PALS2: variants seen among roughly 807,000 people sequenced by gnomAD.
PALS2 encodes the protein protein associated with LIN7 2, MAGUK p55 family member.
A neutral mutation model predicts 61.6 loss-of-function variants in PALS2; 27 were observed. The ratio of observed to expected loss-of-function variants is 0.44; its 90% CI spans 0.32 to 0.60. The LOEUF (loss-of-function observed/expected upper bound fraction) is 0.60. Ranked by LOEUF, PALS2 falls within the 20% of genes least tolerant of loss-of-function variation. PALS2 has a pLI of 0.05. For missense variants in PALS2, 554 were observed against 639.4 expected, an observed-to-expected ratio of 0.87 and a Z score of 1.44; for synonymous variants, 236 against 218.6, an observed-to-expected ratio of 1.08 and a Z score of -0.70.
chr7:24,594,859 A>G (rs902861681), intron 1 of PALS2, among the ~76,000 whole-genome samples: 1 of 152,156 alleles, frequency 6.6e-6, no homozygotes, highest in South Asian at 2.1e-4. Flanking sequence ...CATAACTGGC[A>G]TAATAGTAAT....
At chr7:24,582,393 AGTT>A (rs144523493) in intron 1 of PALS2, among the ~76,000 whole-genome samples, 6,795 of 152,238 alleles carry the variant, frequency 0.045, 178 homozygotes, top group African/African-American at 0.064. Flanking sequence ...GGCTAATGTC[AGTT>A]GTTTACAAAT....
Position 24,583,380 on chromosome 7 carries a change from G to A in PALS2, c.-3+9787G>A, listed in dbSNP as rs532462529. 2.6e-5 allele frequency among the ~76,000 whole-genome samples: 4 copies of A among 152,114 alleles called. No homozygotes were observed. The East Asian group carries it at 7.7e-4, about 29-fold the overall frequency. On this transcript the variant is annotated intron_variant, in intron 1 of 11. Coordinates refer to ENST00000222644, the MANE Select transcript of PALS2 (RefSeq NM_001303037.2). Reference sequence around the variant, plus strand: ...GCATTAAGCTCTTGAAAACAACTAGGTAGAGAAATTTTCCGTGAAGGAATT... The same window carrying A: ...GCATTAAGCTCTTGAAAACAACTAGATAGAGAAATTTTCCGTGAAGGAATT...
intron 7 of PALS2, among the ~76,000 whole-genome samples, 156 bp downstream of exon 7, chr7:24,665,843 G>T (rs558529625): frequency 6.6e-6 from 1 of 151,940 alleles, no homozygotes; most frequent in Admixed American, 6.6e-5. Flanking sequence ...TTTTGATCCC[G>T]TTCTGCCACC....
chr7:24,660,543 AAC>A (rs145784408), intron 5 of PALS2, among the ~76,000 whole-genome samples: 1,731 of 150,790 alleles, frequency 0.011, 37 homozygotes, highest in African/African-American at 0.039. Flanking sequence ...CCTATTGACA[AAC>A]ACACACACAC....
In PALS2 at chr7:24,588,871, A is replaced by G. The variant is rs372090639; in HGVS notation, c.-3+15278A>G. Among the ~76,000 whole-genome samples, 56 of 152,324 alleles carry G rather than the reference A, an allele frequency of 3.7e-4. No homozygotes were observed. In the East Asian group the frequency reaches 6.2e-3, roughly 17 times the overall value. ...TGAATGAATGTATCATAATTGAGAA[A>G]GGGGTGTGTTTTTAGAAAAACAGTT... On this transcript the variant is annotated intron_variant, in intron 1 of 11. Coordinates refer to ENST00000222644, the MANE Select transcript of PALS2 (RefSeq NM_001303037.2).
chr7:24,595,550 ATATAT>A (rs1393826354), intron 1 of PALS2, among the ~76,000 whole-genome samples: 1 of 137,114 alleles, frequency 7.3e-6, no homozygotes, highest in Non-Finnish European at 1.5e-5. Context: ...ATATATAAAT[ATATAT>A]TAACTATATA....
chr7:24,623,597 G>T, intron 1 of PALS2, 69 bp from the exon 2 acceptor site: 1 of 887,728 alleles, frequency 1.1e-6, no homozygotes, highest in Non-Finnish European at 1.7e-6. Context: ...ACTCCATAAC[G>T]GCTTGAAATT....
chr7:24,623,836 TAG>T, intron 2 of PALS2, 52 bp downstream of exon 2: 1 of 1,325,778 alleles, frequency 7.5e-7, no homozygotes, highest in Non-Finnish European at 1.0e-6. Context: ...TTAGTTTTTA[TAG>T]AGATATTTTC....
chr7:24,585,006 T>C (rs1031404922), intron 1 of PALS2, among the ~76,000 whole-genome samples: 1 of 151,956 alleles, frequency 6.6e-6, no homozygotes, highest in African/African-American at 2.4e-5. Flanking sequence ...GGCTCTGTTC[T>C]GTTCCATTGA....
chr7:24,663,690 T>C lies in PALS2; in HGVS notation c.752T>C (p.Ile251Thr), dbSNP rs1278813216. 6 of 1,610,148 alleles carry C rather than the reference T, an allele frequency of 3.7e-6. No homozygotes were observed. The highest frequency in any genetic ancestry group is 5.1e-6 in the Non-Finnish European group (6 of 1,177,042). Residue 251 changes from isoleucine to threonine, a missense_variant, in exon 6 of 12, where the codon ATT becomes ACT. Physicochemically the swap from Ile to Thr is moderately conservative, Grantham distance 89. Coordinates refer to ENST00000222644, the MANE Select transcript of PALS2 (RefSeq NM_001303037.2). ...LKFSKGEILQ[I>T]VNREDPNWWQ... ...TTTTCCAAAGGAGAGATTCTTCAGA[T>C]TGTAAATAGAGAAGATCCAAATTGG... is the stretch of plus-strand genomic sequence containing the variant.
intron 1 of PALS2, among the ~76,000 whole-genome samples, chr7:24,595,710 T>A (rs1464237672): frequency 6.6e-6 from 1 of 150,482 alleles, no homozygotes; most frequent in African/African-American, 2.4e-5. Flanking sequence ...AGATGAGTAC[T>A]GTGATGAAAA....
chr7:24,581,356 A>T (rs1464470479), intron 1 of PALS2, among the ~76,000 whole-genome samples: 1 of 151,934 alleles, frequency 6.6e-6, no homozygotes, highest in African/African-American at 2.4e-5. Flanking sequence ...TCTCTGGAAT[A>T]ACCTCCCCAT....
chr7:24,576,566 A>G (rs552038668), intron 1 of PALS2, among the ~76,000 whole-genome samples: 24 of 152,332 alleles, frequency 1.6e-4, no homozygotes, highest in African/African-American at 5.8e-4. Flanking sequence ...TCTACTGTTA[A>G]GTGGTCTAAG....
chr7:24,679,034 A>G (rs1584002294), intron 9 of PALS2, 97 bp from the exon 10 acceptor site: 2 of 1,012,970 alleles, frequency 2.0e-6, no homozygotes, highest in African/African-American at 3.2e-5. Context: ...AGTTTGCTGC[A>G]CCCAGTGGAA....
At chr7:24,657,914 C>T (rs1359657489) in intron 5 of PALS2, among the ~76,000 whole-genome samples, 2 of 152,128 alleles carry the variant, frequency 1.3e-5, no homozygotes, top group Non-Finnish European at 2.9e-5. Context: ...TTATATTTTG[C>T]ATATGAATAT....
chr7:24,678,011 T>C (rs548689637), intron 9 of PALS2, among the ~76,000 whole-genome samples: 10 of 152,332 alleles, frequency 6.6e-5, no homozygotes, highest in Non-Finnish European at 2.9e-5. Flanking sequence ...TTTCTTAGTT[T>C]AGTTTGGTGT....
chr7:24,665,609 G>A lies in PALS2; in HGVS notation c.805G>A (p.Gly269Arg), dbSNP rs1189054579. 1.2e-6 allele frequency: 2 copies of A among 1,613,498 alleles called. No individual in the cohort carries two copies. The highest frequency in any genetic ancestry group is 1.7e-6 in the Non-Finnish European group (2 of 1,179,656). ...WWQASHVKEG[G>R]SAGLIPSQFL... is the part of the protein sequence containing the mutation. ...CTAGGCTAGCCATGTAAAAGAGGGA[G>A]GAAGCGCTGGTCTCATTCCAAGCCA... is the stretch of plus-strand genomic sequence containing the variant. Residue 269 changes from glycine (G) to arginine (R), a missense_variant, in exon 7 of 12, where the codon GGA becomes AGA. Coordinates refer to ENST00000222644, the MANE Select transcript of PALS2 (RefSeq NM_001303037.2).
chr7:24,617,009 T>C (rs1303694364), intron 1 of PALS2, among the ~76,000 whole-genome samples: 1 of 152,208 alleles, frequency 6.6e-6, no homozygotes, highest in Non-Finnish European at 1.5e-5. Flanking sequence ...TCCTATGATA[T>C]TTCCCTTCTC....
At chr7:24,606,838 T>G (rs1410999131) in intron 1 of PALS2, among the ~76,000 whole-genome samples, 1 of 152,180 alleles carries the variant, frequency 6.6e-6, no homozygotes, top group African/African-American at 2.4e-5. Context: ...TTTGGAATAT[T>G]TGCAAATACA....
Sources: allele counts gnomAD v4.1 joint callset (sites outside exome capture counted in the v4.1 genomes callset), GRCh38; gene constraint gnomAD v4.1.1; transcripts MANE v1.5; gene names NCBI Gene and HGNC (gene_info 2026-07-23, HGNC 2026-07-21).